The following CCDC91 variants were observed in gnomAD, a reference collection of about 807,000 sequenced individuals.
The protein encoded by CCDC91 is coiled-coil domain-containing protein 91.
A neutral mutation model predicts 63.2 loss-of-function variants in CCDC91; 48 were observed. The observed-to-expected ratio is 0.76, with a 90% CI of 0.60 to 0.97. The LOEUF is 0.97. Among genes scored for constraint, CCDC91 ranks in the 50% least tolerant of loss-of-function variants. The probability of loss-of-function intolerance (pLI) is 0.00; values close to 1 mark genes in which losing one functional copy is unlikely to be tolerated. For synonymous variants in CCDC91, 167 were observed against 165.8 expected, an observed-to-expected ratio of 1.01 and a Z score of -0.06; for missense variants, 500 against 494.6, an observed-to-expected ratio of 1.01 and a Z score of -0.10.
At chr12:28,368,345 T>C (rs1586867) in intron 7 of CCDC91, among the ~76,000 whole-genome samples, 37,894 of 152,124 alleles carry the variant, frequency 0.25, 5,270 homozygotes, top group East Asian at 0.57. Context: ...TTTGGTGACT[T>C]TAATTCTTTT....
intron 3 of CCDC91, among the ~76,000 whole-genome samples, chr12:28,289,778 G>A (rs1346938957): frequency 8.1e-5 from 11 of 136,626 alleles, no homozygotes; most frequent in Non-Finnish European, 1.5e-4. Flanking sequence ...TGCAAGCTCC[G>A]CCTCCCAAGT....
chr12:28,331,576 T>C (rs1391656004), intron 6 of CCDC91, among the ~76,000 whole-genome samples: 1 of 152,208 alleles, frequency 6.6e-6, no homozygotes, highest in African/African-American at 2.4e-5. Context: ...CATAACAAAT[T>C]AGACTATGTT....
At chr12:28,249,214 G>A (rs1945961120) in intron 1 of CCDC91, among the ~76,000 whole-genome samples, 1 of 152,186 alleles carries the variant, frequency 6.6e-6, no homozygotes, top group Non-Finnish European at 1.5e-5. Context: ...GGGCAGCACT[G>A]TGAATCCAGT....
intron 11 of CCDC91, among the ~76,000 whole-genome samples, chr12:28,470,263 AAT>A (rs1272322562): frequency 1.3e-5 from 2 of 152,186 alleles, no homozygotes; most frequent in Non-Finnish European, 2.9e-5. Flanking sequence ...CCAGTTAAAA[AAT>A]AGAGAAAATA....
chr12:28,330,930 G>A lies in CCDC91; in HGVS notation c.576+23181G>A, dbSNP rs76439351. 3.2e-3 allele frequency among the ~76,000 whole-genome samples: 483 copies of A among 152,292 alleles called. 7 individuals carry two copies. Among genetic ancestry groups the A allele is most frequent in the African/African-American group, 0.011 (450 of 41,556 alleles). The stretch of plus-strand genomic sequence containing the variant: ...AAAAACCCCTCAGATATTGGAGAAA[G>A]CCTATTGAGAAGAGATTGTCATCAC... On this transcript the variant is annotated intron_variant, in intron 6 of 12. Transcript: ENST00000536442.
intron 12 of CCDC91, among the ~76,000 whole-genome samples, chr12:28,503,576 C>T (rs1221781652): frequency 6.6e-6 from 1 of 152,122 alleles, no homozygotes; most frequent in Non-Finnish European, 1.5e-5. Flanking sequence ...CCAGCAATCC[C>T]ATCACTGGGT....
At chr12:28,542,746 T>A (rs1298115554) in intron 12 of CCDC91, among the ~76,000 whole-genome samples, 2 of 152,116 alleles carry the variant, frequency 1.3e-5, no homozygotes, top group East Asian at 3.9e-4. Context: ...AAAGTGAACA[T>A]TTTTAATCCT....
At chr12:28,428,986 T>G (rs1444818619) in intron 8 of CCDC91, among the ~76,000 whole-genome samples, 1 of 152,174 alleles carries the variant, frequency 6.6e-6, no homozygotes, top group Non-Finnish European at 1.5e-5. Context: ...TCTGACCTGT[T>G]TTGCCACTAA....
chr12:28,522,224 C>T lies in CCDC91; in HGVS notation c.1216-26839C>T, dbSNP rs544917637. ...TCCTGGATTGTTTTTGGTTGGTAAACTATTAATTATTGCCTCAATTTCAGA... is the reference window on the plus strand; with the variant it reads ...TCCTGGATTGTTTTTGGTTGGTAAATTATTAATTATTGCCTCAATTTCAGA... On this transcript the variant is annotated intron_variant, in intron 12 of 12. Transcript: ENST00000536442. Among the ~76,000 whole-genome samples, 3 of 152,206 alleles carry T rather than the reference C, an allele frequency of 2.0e-5. No individual in the cohort carries two copies. In the East Asian group the frequency reaches 5.8e-4, roughly 29 times the overall value.
chr12:28,268,000 CTTAA>C (rs1418854356), intron 3 of CCDC91, among the ~76,000 whole-genome samples: 1 of 113,450 alleles, frequency 8.8e-6, no homozygotes, highest in Non-Finnish European at 1.7e-5. Context: ...TTATATAATA[CTTAA>C]TTATATGATT....
chr12:28,318,075 CTTTT>C (rs950781342), intron 6 of CCDC91, among the ~76,000 whole-genome samples: 1 of 151,490 alleles, frequency 6.6e-6, no homozygotes, highest in Non-Finnish European at 1.5e-5. Flanking sequence ...AGCTTTAACT[CTTTT>C]TTTATTAGAA....
intron 6 of CCDC91, among the ~76,000 whole-genome samples, chr12:28,320,402 T>G (rs1270094947): frequency 1.3e-5 from 2 of 151,882 alleles, no homozygotes; most frequent in Non-Finnish European, 2.9e-5. Context: ...TTTATGTGCT[T>G]AATGGCAATG....
chr12:28,234,789 A>C (rs1212361518), intron 1 of CCDC91, among the ~76,000 whole-genome samples: 1 of 151,860 alleles, frequency 6.6e-6, no homozygotes, highest in Non-Finnish European at 1.5e-5. Context: ...TCAGTATCTT[A>C]CAGCTACCAA....
In CCDC91 at chr12:28,375,480, G is replaced by T. The variant is rs747454172; in HGVS notation, c.654+12965G>T. 2.0e-5 allele frequency among the ~76,000 whole-genome samples: 3 copies of T among 151,706 alleles called. No individual in the cohort carries two copies. In the East Asian group the frequency reaches 5.8e-4, roughly 29 times the overall value. Reference sequence around the variant, plus strand: ...GCTCAGTTAAAGGCAGCATTCTTTCGTTAACTTTGAAAATAAATAGATTGC... The same window carrying T: ...GCTCAGTTAAAGGCAGCATTCTTTCTTTAACTTTGAAAATAAATAGATTGC... On this transcript the variant is annotated intron_variant, in intron 7 of 12. Coordinates refer to ENST00000536442, the MANE Select transcript of CCDC91 (RefSeq NM_018318.5).
At chr12:28,481,046 A>G (rs184521864) in intron 11 of CCDC91, among the ~76,000 whole-genome samples, 218 of 152,184 alleles carry the variant, frequency 1.4e-3, no homozygotes, top group African/African-American at 5.0e-3. Flanking sequence ...TTTAATCATA[A>G]CAGTATAAAA....
chr12:28,370,162 C>T (rs1198854747), intron 7 of CCDC91, among the ~76,000 whole-genome samples: 1 of 152,156 alleles, frequency 6.6e-6, no homozygotes, highest in African/African-American at 2.4e-5. Context: ...GCAAATTTTC[C>T]AAACTTTTAT....
intron 12 of CCDC91, among the ~76,000 whole-genome samples, chr12:28,517,959 CATTA>C (rs937154511): frequency 2.0e-5 from 3 of 151,854 alleles, no homozygotes; most frequent in Admixed American, 1.3e-4. Flanking sequence ...CTGTGAATGC[CATTA>C]ATTTATTCAT....
intron 12 of CCDC91, among the ~76,000 whole-genome samples, chr12:28,536,985 C>G (rs539663594): frequency 6.6e-6 from 1 of 152,028 alleles, no homozygotes; most frequent in Non-Finnish European, 1.5e-5. Context: ...TTCTGCAGAA[C>G]CAGCTTGTTC....
intron 11 of CCDC91, among the ~76,000 whole-genome samples, chr12:28,473,995 T>TGTGC (rs1332484381): frequency 6.6e-6 from 1 of 151,842 alleles, no homozygotes; most frequent in African/African-American, 2.4e-5. Flanking sequence ...TGTGTGTGTG[T>TGTGC]GCACGTGTGT....
Sources: gnomAD v4.1 joint callset for allele counts (sites outside exome capture counted in the v4.1 genomes callset) on GRCh38, gnomAD v4.1.1 for gene constraint, MANE v1.5 for transcripts, NCBI Gene and HGNC (gene_info 2026-07-23, HGNC 2026-07-21) for gene names.